Variants in ZNF217 observed in about 807,000 individuals in gnomAD.
ZNF217 encodes the protein zinc finger protein 217.
In ZNF217, 12 loss-of-function variants were observed where a neutral mutation model predicts 73.3. That is an observed-to-expected ratio of 0.16 (90% CI 0.10 to 0.27). ZNF217 has a LOEUF of 0.27. Ranked by LOEUF, ZNF217 falls within the 10% of genes least tolerant of loss-of-function variation. The pLI is 1.00. For missense variants in ZNF217, 1,195 were observed against 1,327.8 expected (o/e 0.90, Z 1.55); for synonymous variants, 588 against 516.4 (o/e 1.14, Z -1.88).
In ZNF217 at chr20:53,569,142, A is replaced by G. The variant is rs1192715791; in HGVS notation, c.*146T>C. 1 of 1,339,006 alleles carries G rather than the reference A, an allele frequency of 7.5e-7. No homozygotes were observed. Among genetic ancestry groups the G allele is most frequent in the South Asian group, 1.2e-5 (1 of 82,932 alleles). The allele number at this position is 1,339,006 out of a possible 1,614,324, so 82.9% of individuals were successfully genotyped here. On this transcript the variant is annotated 3_prime_UTR_variant, in exon 6 of 6. Transcript: ENST00000371471. The stretch of plus-strand genomic sequence containing the variant: ...TACACAACTGTAGTGTTCCTTGCAG[A>G]TTCCTCATATGTTTTATGTACAGTA...
chr20:53,595,046 CAAAAA>C (rs55752265), upstream of ZNF217, among the ~76,000 whole-genome samples: 71 of 105,222 alleles, frequency 6.7e-4, no homozygotes, highest in Middle Eastern at 5.5e-3. Context: ...AAAAAAGGGA[CAAAAA>C]AAAAAAAAAA....
chr20:53,569,260 A>G lies in ZNF217; in HGVS notation c.*28T>C. The G allele has an allele frequency of 7.5e-7, 1 of 1,330,676 alleles. No homozygotes were observed. The highest frequency in any genetic ancestry group is 1.2e-5 in the South Asian group (1 of 81,286). 82.4% of individuals were successfully genotyped at this position (1,330,676 alleles called of 1,614,324 possible). ...TGGGGAGTAAGCACTGACATCCACCAAGACCTAAGGAAAACAACATTTTTT... is the reference window on the plus strand; with the variant it reads ...TGGGGAGTAAGCACTGACATCCACCGAGACCTAAGGAAAACAACATTTTTT... On this transcript the variant is annotated 3_prime_UTR_variant, in exon 6 of 6. Coordinates refer to ENST00000371471, the MANE Select transcript of ZNF217 (RefSeq NM_006526.3).
chr20:53,595,406 CA>C (rs1989024991), upstream of ZNF217, among the ~76,000 whole-genome samples: 1 of 151,906 alleles, frequency 6.6e-6, no homozygotes, highest in Non-Finnish European at 1.5e-5. Context: ...TTTCCTAAAT[CA>C]AAAGAAAGAA....
At chr20:53,569,349 T>C in intron 5 of ZNF217, 85 bp from the exon 6 acceptor site, 1 of 1,008,500 alleles carries the variant, frequency 9.9e-7, no homozygotes. Context: ...GCGTAATACA[T>C]AGAACCAAAC....
At chr20:53,585,430 C>T (rs1234725211) in intron 1 of ZNF217, among the ~76,000 whole-genome samples, 1 of 152,108 alleles carries the variant, frequency 6.6e-6, no homozygotes, top group Non-Finnish European at 1.5e-5. Context: ...CATGGTAATA[C>T]ACACCTGTAA....
At chr20:53,571,642 G>T in intron 5 of ZNF217, 79 bp downstream of exon 5, 1 of 1,480,676 alleles carries the variant, frequency 6.8e-7, no homozygotes. Context: ...CTCGATCTCA[G>T]GTGATCCGCC....
rs1274531980 is a variant in ZNF217, at chr20:53,568,168, T to C, written c.*1120A>G. The C allele has an allele frequency of 6.6e-6, 1 of 152,076 alleles. No individual in the cohort carries two copies. The highest frequency in any genetic ancestry group is 1.5e-5 in the Non-Finnish European group (1 of 68,022). The allele number at this position is 152,076 out of a possible 1,614,324, so 9.4% of individuals were successfully genotyped here. A position where few individuals can be genotyped will look rare whatever the true frequency, so the allele number is the denominator to read the frequency against. ...GACTCCCAGCGGGCTCGGCCAGCAG[T>C]TCCTTATTCAAAATCAATGTGTCTA... is the stretch of plus-strand genomic sequence containing the variant. On this transcript the variant is annotated 3_prime_UTR_variant, in exon 6 of 6. Coordinates refer to ENST00000371471, the MANE Select transcript of ZNF217 (RefSeq NM_006526.3).
intron 2 of ZNF217, among the ~76,000 whole-genome samples, chr20:53,579,161 T>C (rs1988392901): frequency 6.6e-6 from 1 of 152,190 alleles, no homozygotes; most frequent in African/African-American, 2.4e-5. Flanking sequence ...ACAATGTGTC[T>C]CACGTGCATC....
chr20:53,580,503 A>G (rs1252097705), intron 2 of ZNF217, among the ~76,000 whole-genome samples: 1 of 152,216 alleles, frequency 6.6e-6, no homozygotes, highest in African/African-American at 2.4e-5. Flanking sequence ...CTAAACTCTG[A>G]TAGGAGAAGC....
Position 53,583,036 on chromosome 20 carries a change from T to C in ZNF217, c.-210A>G, listed in dbSNP as rs149083919. Reference sequence around the variant, plus strand: ...ACTGGTTCTTTCCACAAACAAGGCATACAGGGTTCCCAATGCCTCGATTCA... The same window carrying C: ...ACTGGTTCTTTCCACAAACAAGGCACACAGGGTTCCCAATGCCTCGATTCA... On this transcript the variant is annotated 5_prime_UTR_variant, in exon 2 of 6. It removes an upstream start codon present in the reference 5' UTR. Coordinates refer to ENST00000371471, the MANE Select transcript of ZNF217 (RefSeq NM_006526.3). The C allele has an allele frequency of 3.8e-6, 2 of 520,158 alleles. No homozygotes were observed. The highest frequency in any genetic ancestry group is 3.3e-6 in the Non-Finnish European group (1 of 298,682). 32.2% of individuals were successfully genotyped at this position (520,158 alleles called of 1,614,324 possible).
chr20:53,569,441 G>A (rs1987897263), intron 5 of ZNF217, among the ~76,000 whole-genome samples, 177 bp from the exon 6 acceptor site: 1 of 152,112 alleles, frequency 6.6e-6, no homozygotes, highest in South Asian at 2.1e-4. Flanking sequence ...GGAGTGCAGC[G>A]GCACGATCTT....
At chr20:53,577,534 T>C (rs530094096) in intron 3 of ZNF217, among the ~76,000 whole-genome samples, 1 of 152,350 alleles carries the variant, frequency 6.6e-6, no homozygotes, top group Non-Finnish European at 1.5e-5. Flanking sequence ...TAGGGAAATA[T>C]GTATTATTCT....
intron 1 of ZNF217, among the ~76,000 whole-genome samples, chr20:53,589,319 G>A (rs1988803004): frequency 6.6e-6 from 1 of 152,138 alleles, no homozygotes; most frequent in South Asian, 2.1e-4. Context: ...GTCTTTTCAG[G>A]TTTAGTAATT....
At chr20:53,596,884 C>A (rs1471754106), upstream of ZNF217, among the ~76,000 whole-genome samples, 8 of 152,020 alleles carry the variant, frequency 5.3e-5, no homozygotes, top group Non-Finnish European at 2.9e-5. Flanking sequence ...TCTTTCAATG[C>A]AGCAAACATC....
Position 53,592,768 on chromosome 20 carries a change from G to C in ZNF217, c.-343+988C>G, listed in dbSNP as rs545215713. Among the ~76,000 whole-genome samples, 460 of 149,984 alleles carry C rather than the reference G, an allele frequency of 3.1e-3. 2 individuals are homozygous for C. Among genetic ancestry groups the C allele is most frequent in the African/African-American group, 0.011 (449 of 40,692 alleles). ...CGGCTCGCAGTCGGGGCCAAATCGA[G>C]AGACAAGAGGGCTGTGCCTGAAACT... On this transcript the variant is annotated intron_variant, in intron 1 of 5. Transcript: ENST00000371471.
chr20:53,577,388 G>T (rs879333456), intron 3 of ZNF217, 108 bp from the exon 4 acceptor site: 66 of 971,714 alleles, frequency 6.8e-5, no homozygotes, highest in Non-Finnish European at 9.3e-5. Context: ...TTGCTTTCTC[G>T]ATCTACTATC....
Position 53,568,962 on chromosome 20 carries a change from C to A in ZNF217, c.*326G>T. The A allele has an allele frequency of 4.2e-6, 1 of 240,440 alleles. No individual in the cohort carries two copies. The allele number at this position is 240,440 out of a possible 1,614,324, so 14.9% of individuals were successfully genotyped here. A position where few individuals can be genotyped will look rare whatever the true frequency, so the allele number is the denominator to read the frequency against. Reference sequence around the variant, plus strand: ...CCCAAATGATTTCTTTTCAGCAGCGCTCAAGTATGCAAAAATTCCACTTCT... The same window carrying A: ...CCCAAATGATTTCTTTTCAGCAGCGATCAAGTATGCAAAAATTCCACTTCT... On this transcript the variant is annotated 3_prime_UTR_variant, in exon 6 of 6. Coordinates refer to ENST00000371471, the MANE Select transcript of ZNF217 (RefSeq NM_006526.3).
At chr20:53,579,219 A>G (rs1288347323) in intron 2 of ZNF217, among the ~76,000 whole-genome samples, 4 of 152,202 alleles carry the variant, frequency 2.6e-5, no homozygotes, top group African/African-American at 9.7e-5. Context: ...TCAAACACAC[A>G]CCAGCCCTCC....
chr20:53,581,721 C>T lies in ZNF217; in HGVS notation c.1106G>A (p.Ser369Asn). ...PSVDADPKLP[S>N]SKEKPTHCSE... ...GCAGTGAGTGGGCTTCTCCTTGCTA[C>T]TGGGTAACTTGGGATCCGCGTCCAC... The change falls in exon 2 of 6, where the codon AGT (serine) becomes AAT (asparagine). Residue 369 changes from serine (S) to asparagine (N), a missense_variant. This residue lies in a region of ZNF217 where 102 missense variants were observed against 91.9 expected (regional missense o/e 1.11). Coordinates refer to ENST00000371471, the MANE Select transcript of ZNF217 (RefSeq NM_006526.3). This position sits in a 1 kb window ranked among gnomAD's most constrained non-coding sequence, Gnocchi z 4.9. The T allele has an allele frequency of 5.0e-6, 8 of 1,614,264 alleles. No homozygotes were observed. Among genetic ancestry groups the T allele is most frequent in the Non-Finnish European group, 6.8e-6 (8 of 1,180,052 alleles).
Sources: gnomAD v4.1 joint callset for allele counts (sites outside exome capture counted in the v4.1 genomes callset) on GRCh38, gnomAD v4.1.1 for gene constraint, gnomAD v4.1.1 regional missense constraint, Gnocchi (gnomAD v3.1) non-coding constraint, MANE v1.5 for transcripts, NCBI Gene and HGNC (gene_info 2026-07-23, HGNC 2026-07-21) for gene names.